SPNS2: variants seen among roughly 807,000 people sequenced by gnomAD.
The protein encoded by SPNS2 is SPNS lysolipid transporter 2, sphingosine-1-phosphate.
A neutral mutation model predicts 57.6 loss-of-function variants in SPNS2; 37 were observed. The observed-to-expected ratio is 0.64, with a 90% CI of 0.49 to 0.85. The LOEUF is 0.85. SPNS2 is among the 40% of genes least tolerant of loss of function. SPNS2 has a pLI of 0.00. For synonymous variants in SPNS2, 440 were observed against 346.9 expected, an observed-to-expected ratio of 1.27 and a Z score of -2.98; for missense variants, 831 against 779.1, an observed-to-expected ratio of 1.07 and a Z score of -0.79.
At chr17:4,524,988 G>C in intron 2 of SPNS2, 69 bp from the exon 3 acceptor site, 2 of 1,582,832 alleles carry the variant, frequency 1.3e-6, no homozygotes, top group Non-Finnish European at 1.7e-6. Flanking sequence ...CCCCAAGCCG[G>C]AGTGAAATGG....
At chr17:4,532,903 C>T in intron 6 of SPNS2, 74 bp from the exon 7 acceptor site, 2 of 1,542,898 alleles carry the variant, frequency 1.3e-6, no homozygotes, top group Admixed American at 1.9e-5. Flanking sequence ...CCTCCTGTTC[C>T]CCCAGTGCAT....
Position 4,529,045 on chromosome 17 carries a change from T to C in SPNS2, c.574-1587T>C, listed in dbSNP as rs375700084. 1.8e-4 allele frequency among the ~76,000 whole-genome samples: 27 copies of C among 151,664 alleles called. 1 individual carries two copies. Among genetic ancestry groups the C allele is most frequent in the East Asian group, 1.8e-3 (9 of 5,140 alleles). On this transcript the variant is annotated intron_variant, in intron 3 of 12. Coordinates refer to ENST00000329078, the MANE Select transcript of SPNS2 (RefSeq NM_001124758.3). ...TCCACCTCCCGAGTTCAAGCAACTC[T>C]CTGCCTCAGCCTCTCCAGTAGCTGG...
rs575930540 is a variant in SPNS2 at position 4,536,153 on chromosome 17, G to T, written c.1422G>T (p.Gly474=). The change falls in exon 10 of 13, where the codon GGG becomes GGT. Residue 474 remains glycine, a synonymous_variant. Coordinates refer to ENST00000329078, the MANE Select transcript of SPNS2 (RefSeq NM_001124758.3). ...SFTSHLLGDA[G]SPYLIGFISD... Reference sequence around the variant, plus strand: ...CCTCCCACCTGCTGGGGGACGCCGGGAGCCCCTACCTCATTGGCTTTGTGA... The same window carrying T: ...CCTCCCACCTGCTGGGGGACGCCGGTAGCCCCTACCTCATTGGCTTTGTGA... The T allele has an allele frequency of 5.0e-6, 8 of 1,612,490 alleles. No homozygotes were observed. In the East Asian group the frequency reaches 1.8e-4, roughly 36 times the overall value.
In SPNS2 at chr17:4,538,704, C is replaced by T; in HGVS notation, c.*1256C>T. 4.9e-6 allele frequency: 3 copies of T among 611,118 alleles called. No homozygotes were observed. Among genetic ancestry groups the T allele is most frequent in the South Asian group, 3.7e-5 (2 of 54,406 alleles). The allele number at this position is 611,118 out of a possible 1,614,324, so 37.9% of individuals were successfully genotyped here. A position where few individuals can be genotyped will look rare whatever the true frequency, so the allele number is the denominator to read the frequency against. On this transcript the variant is annotated 3_prime_UTR_variant, in exon 13 of 13. Transcript: ENST00000329078. ...CCAGCTTGGACAATGCTCTTCTTGC[C>T]CCTTAGTTACTGGCTGGCTGTGGCT...
At chr17:4,531,157 G>A in intron 5 of SPNS2, 38 bp downstream of exon 5, 6 of 1,603,748 alleles carry the variant, frequency 3.7e-6, no homozygotes, top group Non-Finnish European at 5.1e-6. Context: ...ACACCCTCCG[G>A]TCCAGACCTC....
At chr17:4,528,418 C>T (rs142204028) in intron 3 of SPNS2, among the ~76,000 whole-genome samples, 82 of 152,286 alleles carry the variant, frequency 5.4e-4, no homozygotes, top group African/African-American at 1.8e-3. Flanking sequence ...AAGCAAGTTA[C>T]AGGATAAGAT....
rs572063048 is a variant in SPNS2 at position 4,505,745 on chromosome 17, G to A, written c.370+6328G>A. 3.5e-4 allele frequency among the ~76,000 whole-genome samples: 54 copies of A among 152,274 alleles called. No individual in the cohort carries two copies. The South Asian group carries it at 9.1e-3, about 26-fold the overall frequency. On this transcript the variant is annotated intron_variant, in intron 1 of 12. Transcript: ENST00000329078. The stretch of plus-strand genomic sequence containing the variant: ...ACAGGGGAGAGGAGAGGAGAGCATC[G>A]GCATCGGGGCAAGAATCAAACCTGG...
chr17:4,536,383 A>G lies in SPNS2; in HGVS notation c.1564A>G (p.Thr522Ala), dbSNP rs769082493. The part of the protein sequence containing the change: ...VVLGGMFFLA[T>A]ALFFVSDRAR... The stretch of plus-strand genomic sequence containing the variant: ...CCTGGGCGGCATGTTCTTCCTCGCC[A>G]CTGCGCTCTTCTTCGTCAGCGACCG... The change falls in exon 11 of 13, where the codon ACT (threonine) becomes GCT (alanine). Residue 522 changes from threonine (T) to alanine (A), a missense_variant. Thr to Ala is a moderately conservative substitution (Grantham distance 58, BLOSUM62 0). Transcript: ENST00000329078. 1.9e-6 allele frequency: 3 copies of G among 1,607,614 alleles called. No homozygotes were observed. In the East Asian group the frequency reaches 6.7e-5, roughly 36 times the overall value.
At chr17:4,518,921 C>T (rs865969171) in intron 2 of SPNS2, among the ~76,000 whole-genome samples, 3 of 152,264 alleles carry the variant, frequency 2.0e-5, no homozygotes, top group South Asian at 4.1e-4. Flanking sequence ...GAGAGCCCAA[C>T]ACAAGGTTTA....
At chr17:4,529,832 G>C (rs1449675446) in intron 3 of SPNS2, among the ~76,000 whole-genome samples, 1 of 152,158 alleles carries the variant, frequency 6.6e-6, no homozygotes, top group Non-Finnish European at 1.5e-5. Flanking sequence ...GAAGGGGTCA[G>C]AGATGGGCCA....
chr17:4,501,362 C>G (rs1234441130), intron 1 of SPNS2, among the ~76,000 whole-genome samples: 2 of 152,132 alleles, frequency 1.3e-5, no homozygotes, highest in Non-Finnish European at 2.9e-5. Flanking sequence ...CTTATCTGCT[C>G]CCACTTCTAC....
intron 3 of SPNS2, among the ~76,000 whole-genome samples, chr17:4,527,973 T>G (rs549171658): frequency 6.8e-6 from 1 of 147,728 alleles, no homozygotes; most frequent in Non-Finnish European, 1.5e-5. Context: ...AAGGAAGCAA[T>G]CTAAATGACC....
rs376437309 is a variant in SPNS2 at position 4,538,008 on chromosome 17, C to T, written c.*560C>T. 9.1e-5 allele frequency: 32 copies of T among 351,442 alleles called. No individual in the cohort carries two copies. Among genetic ancestry groups the T allele is most frequent in the Middle Eastern group, 7.8e-4 (2 of 2,578 alleles). The allele number at this position is 351,442 out of a possible 1,614,324, so 21.8% of individuals were successfully genotyped here. ...GGCCTCGGACCTTGGGGATATTGGA[C>T]GCAACCTGGCAAATGAAGCTGGGCG... On this transcript the variant is annotated 3_prime_UTR_variant, in exon 13 of 13. Transcript: ENST00000329078.
intron 9 of SPNS2, among the ~76,000 whole-genome samples, chr17:4,535,166 C>T (rs1234790778): frequency 6.6e-6 from 1 of 152,104 alleles, no homozygotes; most frequent in Non-Finnish European, 1.5e-5. Flanking sequence ...CCTGTCCCGC[C>T]CCCACCCCAG....
At chr17:4,500,389 GT>G (rs1904444131) in intron 1 of SPNS2, among the ~76,000 whole-genome samples, 1 of 152,134 alleles carries the variant, frequency 6.6e-6, no homozygotes, top group Middle Eastern at 3.2e-3. Flanking sequence ...GCAATTAGGG[GT>G]GGGTCTAGGG....
At chr17:4,515,920 AG>A (rs1433512508) in intron 2 of SPNS2, among the ~76,000 whole-genome samples, 3 of 152,194 alleles carry the variant, frequency 2.0e-5, no homozygotes, top group Admixed American at 2.0e-4. Flanking sequence ...GCCCACTTTC[AG>A]CAGCCCCTTT....
chr17:4,499,139 A>T lies in SPNS2; in HGVS notation c.92A>T (p.Gln31Leu). 1 of 1,168,800 alleles carries T rather than the reference A, an allele frequency of 8.6e-7. No homozygotes were observed. The highest frequency in any genetic ancestry group is 4.6e-5 in the Admixed American group (1 of 21,528). The allele number at this position is 1,168,800 out of a possible 1,614,324, so 72.4% of individuals were successfully genotyped here. Residue 31 changes from glutamine to leucine, a missense_variant, in exon 1 of 13, where the codon CAG becomes CTG. Gln to Leu is a moderately radical substitution (Grantham distance 113). Coordinates refer to ENST00000329078, the MANE Select transcript of SPNS2 (RefSeq NM_001124758.3). The surrounding 1 kb of genome is among the most constrained non-coding windows in gnomAD (Gnocchi z 5.2). Reference protein sequence around the residue: ...AERRRRRRGAQRGAGGSGCCG... With the variant: ...AERRRRRRGALRGAGGSGCCG... ...CGGCGGCGCCGGCGCCGGGGGGCGC[A>T]GCGAGGGGCTGGCGGTAGCGGTTGC... is the stretch of plus-strand genomic sequence containing the variant.
intron 11 of SPNS2, 58 bp from the exon 12 acceptor site, chr17:4,536,842 T>TGCCCGG (rs1253332462): frequency 2.8e-6 from 4 of 1,436,554 alleles, no homozygotes; most frequent in Non-Finnish European, 3.9e-6. Flanking sequence ...GCCAGAGCAG[T>TGCCCGG]GCCCGGGCCC....
At chr17:4,532,810 G>A (rs1905553988) in intron 6 of SPNS2, 126 bp downstream of exon 6, 4 of 1,454,606 alleles carry the variant, frequency 2.7e-6, no homozygotes, top group East Asian at 2.3e-5. Context: ...TCAGTGCTGG[G>A]AGGGACATTT....
Sources: allele counts gnomAD v4.1 joint callset (sites outside exome capture counted in the v4.1 genomes callset), GRCh38; gene constraint gnomAD v4.1.1; non-coding constraint Gnocchi (gnomAD v3.1); transcripts MANE v1.5; gene names NCBI Gene and HGNC (gene_info 2026-07-23, HGNC 2026-07-21).